Variants in MIPEP observed in about 807,000 individuals in gnomAD.
MIPEP encodes mitochondrial intermediate peptidase.
MIPEP carries 79 observed loss-of-function variants against 90.3 expected under a neutral mutation model. That is an observed-to-expected ratio of 0.87 (90% CI 0.73 to 1.05). The LOEUF (loss-of-function observed/expected upper bound fraction) is 1.05, where lower values mean the gene tolerates loss of function less well. Among genes scored for constraint, MIPEP ranks in the 50% least tolerant of loss-of-function variants. The pLI is 0.00. For synonymous variants in MIPEP, 334 were observed against 315.8 expected (o/e 1.06, Z -0.61); for missense variants, 940 against 905.6 (o/e 1.04, Z -0.49).
chr13:23,732,484 T>A (rs1032464852), intron 18 of MIPEP, among the ~76,000 whole-genome samples: 1 of 152,308 alleles, frequency 6.6e-6, no homozygotes, highest in East Asian at 1.9e-4. Context: ...AAGAAACAAC[T>A]TGTACAACCC....
intron 12 of MIPEP, among the ~76,000 whole-genome samples, 190 bp downstream of exon 12, chr13:23,839,459 A>G (rs1184873426): frequency 6.6e-6 from 1 of 152,248 alleles, no homozygotes; most frequent in Admixed American, 6.5e-5. Context: ...TGACAAATAT[A>G]GACTGATGTA....
intron 14 of MIPEP, among the ~76,000 whole-genome samples, chr13:23,826,775 G>A (rs1868470757): frequency 6.6e-6 from 1 of 152,148 alleles, no homozygotes; most frequent in East Asian, 1.9e-4. Flanking sequence ...AATAATAAAA[G>A]TAGGAAGTAA....
chr13:23,806,728 C>CTAT (rs1953113838), intron 15 of MIPEP, among the ~76,000 whole-genome samples: 1 of 146,704 alleles, frequency 6.8e-6, no homozygotes, highest in South Asian at 2.1e-4. Flanking sequence ...ATCTATCTAT[C>CTAT]TATCTATCTA....
intron 5 of MIPEP, among the ~76,000 whole-genome samples, chr13:23,874,041 A>T (rs957248667): frequency 6.6e-6 from 1 of 152,230 alleles, no homozygotes; most frequent in Non-Finnish European, 1.5e-5. Context: ...CTGCTTTTCC[A>T]GATATTTTGA....
chr13:23,833,544 A>G (rs1679522536), intron 14 of MIPEP, among the ~76,000 whole-genome samples: 1 of 152,232 alleles, frequency 6.6e-6, no homozygotes, highest in South Asian at 2.1e-4. Flanking sequence ...CTAGTTCAAC[A>G]ATACATCTTC....
intron 16 of MIPEP, among the ~76,000 whole-genome samples, chr13:23,769,000 C>A (rs1952621847): frequency 6.6e-6 from 1 of 152,166 alleles, no homozygotes; most frequent in African/African-American, 2.4e-5. Flanking sequence ...CTAATTAAGA[C>A]AAATGAAAAA....
chr13:23,875,882 T>C (rs1162855196), intron 4 of MIPEP, among the ~76,000 whole-genome samples: 1 of 152,198 alleles, frequency 6.6e-6, no homozygotes, highest in African/African-American at 2.4e-5. Flanking sequence ...TATATACTTT[T>C]GTATCTTGCT....
intron 16 of MIPEP, among the ~76,000 whole-genome samples, chr13:23,794,161 T>C (rs1282665324): frequency 6.6e-6 from 1 of 152,150 alleles, no homozygotes; most frequent in Non-Finnish European, 1.5e-5. Flanking sequence ...GACTGAGAAC[T>C]GCAGATTTTA....
At chr13:23,754,266 C>T (rs566449368) in intron 18 of MIPEP, among the ~76,000 whole-genome samples, 1 of 152,268 alleles carries the variant, frequency 6.6e-6, no homozygotes, top group Non-Finnish European at 1.5e-5. Context: ...GAAGCCACTA[C>T]TATGGGTCTT....
At chr13:23,774,784 C>CTTTT (rs67628137) in intron 16 of MIPEP, among the ~76,000 whole-genome samples, 1 of 68,250 alleles carries the variant, frequency 1.5e-5, no homozygotes, top group African/African-American at 6.4e-5. Flanking sequence ...TTTATCAGTT[C>CTTTT]TTTTTTTTTT....
rs1953102551 is a variant in MIPEP at position 23,806,003 on chromosome 13, T to C, written c.1795A>G (p.Ile599Val). 1 of 1,613,904 alleles carries C rather than the reference T, an allele frequency of 6.2e-7. No individual in the cohort carries two copies. The highest frequency in any genetic ancestry group is 1.1e-5 in the South Asian group (1 of 91,062). Residue 599 changes from isoleucine to valine, a missense_variant, in exon 16 of 19, where the codon ATT becomes GTT. Transcript: ENST00000382172. ...KHPLRNSTTD[I>V]LKETQEKFYG... ...AATTTCTCTTGTGTTTCCTTGAGAA[T>C]GTCTGTGGTTGAATTCCTCAGGGGA...
intron 18 of MIPEP, among the ~76,000 whole-genome samples, chr13:23,741,509 A>T (rs1952328329): frequency 2.0e-5 from 3 of 152,152 alleles, no homozygotes. Flanking sequence ...ATGAGATCAC[A>T]TCTTTTGCAG....
chr13:23,739,686 A>C (rs1194138012), intron 18 of MIPEP, among the ~76,000 whole-genome samples: 1 of 152,226 alleles, frequency 6.6e-6, no homozygotes, highest in African/African-American at 2.4e-5. Flanking sequence ...TCCCATCATT[A>C]GTGTTCTGAG....
chr13:23,880,120 C>T lies in MIPEP; in HGVS notation c.453-766G>A, dbSNP rs916739336. Among the ~76,000 whole-genome samples, 88 of 152,302 alleles carry T rather than the reference C, an allele frequency of 5.8e-4. 1 individual carries two copies. Among genetic ancestry groups the T allele is most frequent in the African/African-American group, 2.1e-3 (87 of 41,544 alleles). The stretch of plus-strand genomic sequence containing the variant: ...CCACTCACCAGTCGCTACTCAGAGA[C>T]TCAAGGATACTCCTGTTCCTCAGTT... On this transcript the variant is annotated intron_variant, in intron 3 of 18. Transcript: ENST00000382172.
At chr13:23,856,943 T>C (rs1011188541) in intron 10 of MIPEP, among the ~76,000 whole-genome samples, 1 of 151,990 alleles carries the variant, frequency 6.6e-6, no homozygotes, top group Admixed American at 6.6e-5. Flanking sequence ...TTTATTAAAT[T>C]AGAATATTTA....
Position 23,868,336 on chromosome 13 carries a change from G to A in MIPEP, c.943+956C>T, listed in dbSNP as rs138472888. Among the ~76,000 whole-genome samples the A allele has an allele frequency of 1.1e-3, 163 of 152,300 alleles. 2 individuals are homozygous for A. Among genetic ancestry groups the A allele is most frequent in the African/African-American group, 3.5e-3 (147 of 41,556 alleles). Reference sequence around the variant, plus strand: ...AGCGTGACACGCCTGTAGCTTAACCGAGAGCCCTGACAGGTCAAGGGAAAC... The same window carrying A: ...AGCGTGACACGCCTGTAGCTTAACCAAGAGCCCTGACAGGTCAAGGGAAAC... On this transcript the variant is annotated intron_variant, in intron 7 of 18. Coordinates refer to ENST00000382172, the MANE Select transcript of MIPEP (RefSeq NM_005932.4).
chr13:23,851,548 G>C (rs1869797778), intron 10 of MIPEP, among the ~76,000 whole-genome samples: 1 of 152,166 alleles, frequency 6.6e-6, no homozygotes. Flanking sequence ...ACATTTCCAT[G>C]TTGCTGGGAA....
chr13:23,784,949 TC>T (rs1263680230), intron 16 of MIPEP, among the ~76,000 whole-genome samples: 1 of 152,092 alleles, frequency 6.6e-6, no homozygotes, highest in East Asian at 1.9e-4. Flanking sequence ...ATACCATCTC[TC>T]TCCAGTTAGA....
chr13:23,825,789 G>A lies in MIPEP; in HGVS notation c.1653+10451C>T, dbSNP rs554362117. On this transcript the variant is annotated intron_variant, in intron 14 of 18. Transcript: ENST00000382172. The stretch of plus-strand genomic sequence containing the variant: ...AAGGTAGCCAGGGTAAGGAATCACA[G>A]TAACTACAGTTAGTCCATACAGTGT... Among the ~76,000 whole-genome samples, 228 of 152,266 alleles carry A rather than the reference G, an allele frequency of 1.5e-3. 2 individuals carry two copies. Among genetic ancestry groups the A allele is most frequent in the Middle Eastern group, 6.8e-3 (2 of 294 alleles).
Sources: allele counts gnomAD v4.1 joint callset (sites outside exome capture counted in the v4.1 genomes callset), GRCh38; gene constraint gnomAD v4.1.1; transcripts MANE v1.5; gene names NCBI Gene and HGNC (gene_info 2026-07-23, HGNC 2026-07-21).